VWA3B: variants seen among roughly 807,000 people sequenced by gnomAD.
VWA3B encodes von Willebrand factor A domain-containing protein 3B.
A neutral mutation model predicts 158.3 loss-of-function variants in VWA3B; 138 were observed. The observed-to-expected ratio is 0.87, with a 90% CI of 0.76 to 1.00. The LOEUF (loss-of-function observed/expected upper bound fraction) is 1.00, where lower values mean the gene tolerates loss of function less well. VWA3B is among the 50% of genes least tolerant of loss of function. VWA3B has a pLI of 0.00. For synonymous variants in VWA3B, 596 were observed against 587.3 expected (o/e 1.01, Z -0.21); for missense variants, 1,555 against 1,565.1 (o/e 0.99, Z 0.11).
chr2:98,120,437 C>T (rs1674873903), intron 4 of VWA3B, among the ~76,000 whole-genome samples: 1 of 152,212 alleles, frequency 6.6e-6, no homozygotes, highest in Admixed American at 6.5e-5. Context: ...GGGGACAATG[C>T]CTAATTATGT....
chr2:98,224,501 AT>A (rs1373143286), intron 14 of VWA3B, among the ~76,000 whole-genome samples: 4 of 152,200 alleles, frequency 2.6e-5, no homozygotes, highest in African/African-American at 7.2e-5. Context: ...TCACATATAT[AT>A]GCTGTCATAC....
intron 14 of VWA3B, among the ~76,000 whole-genome samples, chr2:98,223,554 C>T (rs1007483120): frequency 4.6e-5 from 7 of 151,826 alleles, no homozygotes; most frequent in Non-Finnish European, 1.0e-4. Flanking sequence ...CATAGTTAAA[C>T]GTTTGAAAAT....
chr2:98,237,035 G>T (rs892911844), intron 19 of VWA3B, among the ~76,000 whole-genome samples: 5 of 152,188 alleles, frequency 3.3e-5, no homozygotes, highest in Non-Finnish European at 7.3e-5. Flanking sequence ...AATTAGCCAG[G>T]CATGGTGGCA....
intron 6 of VWA3B, among the ~76,000 whole-genome samples, chr2:98,130,459 C>T (rs1036620652): frequency 6.0e-5 from 9 of 150,984 alleles, no homozygotes; most frequent in African/African-American, 1.2e-4. Flanking sequence ...TCCCTTCCCA[C>T]GAGGCCATAT....
chr2:98,234,525 C>A, intron 16 of VWA3B, 123 bp from the exon 17 acceptor site: 2 of 1,423,256 alleles, frequency 1.4e-6, no homozygotes, highest in Non-Finnish European at 1.9e-6. Flanking sequence ...CAGCACCATC[C>A]TCAGAGGGTT....
chr2:98,115,703 TGTTTCCACA>T lies in VWA3B; in HGVS notation c.250_258del (p.Phe84_Gln86del), dbSNP rs1674481146. The T allele has an allele frequency of 6.2e-7, 1 of 1,613,840 alleles. No homozygotes were observed. The highest frequency in any genetic ancestry group is 1.3e-5 in the African/African-American group (1 of 75,064). Reference sequence around the variant, plus strand: ...GTGGCTTCTCGGTATGCTGATGGTCTGTTTCCACAGCTCTACAGAGCAGAAGATGGCAGA... The same window carrying T: ...GTGGCTTCTCGGTATGCTGATGGTCTGCTCTACAGAGCAGAAGATGGCAGA... On this transcript the variant is annotated inframe_deletion, in exon 3 of 28. Coordinates refer to ENST00000477737, the MANE Select transcript of VWA3B (RefSeq NM_144992.5).
At chr2:98,242,220 T>C in intron 19 of VWA3B, 1 of 456,178 alleles carries the variant, frequency 2.2e-6, no homozygotes, top group South Asian at 1.5e-5. Context: ...TATGGGCTCT[T>C]TCTTCTTCTG....
the VWA3B span, among the ~76,000 whole-genome samples, chr2:98,327,372 G>A: frequency 5.3e-5 from 8 of 152,062 alleles, no homozygotes; most frequent in Non-Finnish European, 7.4e-5. Flanking sequence ...TTCTCAACTC[G>A]TTTTATGAGC....
At chr2:98,117,609 C>T (rs941118457) in intron 3 of VWA3B, among the ~76,000 whole-genome samples, 3 of 152,160 alleles carry the variant, frequency 2.0e-5, no homozygotes, top group Admixed American at 6.6e-5. Context: ...GCCCAGGAAA[C>T]AGCAGAGAGC....
intron 2 of VWA3B, among the ~76,000 whole-genome samples, chr2:98,114,656 A>G (rs1243351134): frequency 1.3e-5 from 2 of 152,208 alleles, no homozygotes; most frequent in Non-Finnish European, 2.9e-5. Context: ...AATTAAAATT[A>G]CAATAAAATA....
intron 19 of VWA3B, among the ~76,000 whole-genome samples, chr2:98,246,370 T>A (rs1228727130): frequency 1.3e-5 from 2 of 151,922 alleles, no homozygotes; most frequent in African/African-American, 4.8e-5. Context: ...ACATTTTAAT[T>A]TTTATTTATT....
intron 7 of VWA3B, among the ~76,000 whole-genome samples, chr2:98,157,623 G>T (rs1678196055): frequency 1.3e-5 from 2 of 152,290 alleles, no homozygotes; most frequent in South Asian, 4.1e-4. Context: ...GAAAATAGAA[G>T]TATGTGCTAC....
At chr2:98,204,365 T>C (rs572906123) in intron 12 of VWA3B, among the ~76,000 whole-genome samples, 2 of 152,356 alleles carry the variant, frequency 1.3e-5, no homozygotes, top group African/African-American at 4.8e-5. Context: ...TTCAGTCTTC[T>C]CCCATTAAGT....
At position 98,311,897 on chromosome 2, in the gene VWA3B, A is replaced by G. The variant is rs1389346022; in HGVS notation, c.3600A>G (p.Pro1200=). The G allele has an allele frequency of 6.2e-7, 1 of 1,611,512 alleles. No individual in the cohort carries two copies. Among genetic ancestry groups the G allele is most frequent in the Non-Finnish European group, 8.5e-7 (1 of 1,178,972 alleles). Residue 1200 remains proline, a synonymous_variant, in exon 27 of 28, where the codon CCA becomes CCG. Coordinates refer to ENST00000477737, the MANE Select transcript of VWA3B (RefSeq NM_144992.5). ...KEADTQDSRE[P]RREKPRRKKR... is the part of the protein sequence containing the mutation. ...CGGACACGCAGGATTCCAGAGAGCC[A>G]AGACGAGAGAAGCCCAGGAGGAAAA...
intron 7 of VWA3B, 29 bp from the exon 8 acceptor site, chr2:98,162,822 G>A (rs570472819): frequency 2.1e-5 from 34 of 1,611,278 alleles, no homozygotes; most frequent in South Asian, 8.8e-5. Context: ...TGTCTCAGCC[G>A]GCCGCTCATG....
At chr2:98,133,708 TA>T in intron 6 of VWA3B, 115 bp from the exon 7 acceptor site, 1 of 797,370 alleles carries the variant, frequency 1.3e-6, no homozygotes, top group Non-Finnish European at 2.1e-6. Context: ...TGACCATGGC[TA>T]AGAAGATGAA....
At chr2:98,218,106 C>T (rs1286534337) in intron 14 of VWA3B, 78 bp downstream of exon 14, 20 of 1,436,566 alleles carry the variant, frequency 1.4e-5, no homozygotes, top group South Asian at 7.1e-5. Context: ...GTAATACCTT[C>T]GTTGGGAAAA....
chr2:98,185,461 C>T (rs530828038), intron 9 of VWA3B, among the ~76,000 whole-genome samples: 1 of 152,366 alleles, frequency 6.6e-6, no homozygotes, highest in African/African-American at 2.4e-5. Flanking sequence ...ATATATAATG[C>T]CTGGTTTCAC....
At chr2:98,149,657 G>T (rs1428196951) in intron 7 of VWA3B, among the ~76,000 whole-genome samples, 1 of 152,208 alleles carries the variant, frequency 6.6e-6, no homozygotes, top group Non-Finnish European at 1.5e-5. Context: ...TGAGGGTGGG[G>T]TTTGCAAAGG....
Sources: allele counts gnomAD v4.1 joint callset (sites outside exome capture counted in the v4.1 genomes callset), GRCh38; gene constraint gnomAD v4.1.1; transcripts MANE v1.5; gene names NCBI Gene and HGNC (gene_info 2026-07-23, HGNC 2026-07-21).